The following GDPD4 variants were observed in gnomAD, a reference collection of about 807,000 sequenced individuals.
GDPD4 encodes glycerophosphodiester phosphodiesterase domain containing 4, also known as glycerophosphodiester phosphodiesterase 6.
A neutral mutation model predicts 67.8 loss-of-function variants in GDPD4; 60 were observed. The ratio of observed to expected loss-of-function variants is 0.88; its 90% confidence interval spans 0.72 to 1.10. The LOEUF (loss-of-function observed/expected upper bound fraction) is 1.10, where lower values mean the gene tolerates loss of function less well. Among genes scored for constraint, GDPD4 ranks in the 50% least tolerant of loss-of-function variants. The pLI is 0.00. For missense variants in GDPD4, 623 were observed against 613.9 expected (o/e 1.01, Z -0.16); for synonymous variants, 212 against 210.9 (o/e 1.00, Z -0.04).
rs57989259 is a variant in GDPD4 at position 77,235,009 on chromosome 11, G to GTTTTTTTTTTTTTTTTTTTTTTTTTTTT, written c.1242-1865_1242-1838dup. The stretch of plus-strand genomic sequence containing the variant: ...TCTCTCTGCAACCTTGTCAATATCT[G>GTTTTTTTTTTTTTTTTTTTTTTTTTTTT]TTTTTTTTTTTTTTTTTTTTTTTTT... On this transcript the variant is annotated intron_variant, in intron 13 of 16. Transcript: ENST00000315938. Among the ~76,000 whole-genome samples, 44 of 52,262 alleles carry GTTTTTTTTTTTTTTTTTTTTTTTTTTTT rather than the reference G, an allele frequency of 8.4e-4. 7 individuals carry two copies. Among genetic ancestry groups the GTTTTTTTTTTTTTTTTTTTTTTTTTTTT allele is most frequent in the South Asian group, 1.3e-3 (1 of 762 alleles). 34.3% of individuals were successfully genotyped at this position (52,262 alleles called of 152,430 possible).
At chr11:77,296,809 T>C (rs1222057668) in intron 1 of GDPD4, among the ~76,000 whole-genome samples, 2 of 150,638 alleles carry the variant, frequency 1.3e-5, no homozygotes, top group East Asian at 2.0e-4. Flanking sequence ...CCTGTAGTCC[T>C]AGCACTTTGG....
Position 77,270,149 on chromosome 11 carries a change from C to T in GDPD4, c.401-189G>A, listed in dbSNP as rs111707431. Among the ~76,000 whole-genome samples the T allele has an allele frequency of 3.5e-3, 536 of 152,290 alleles. 1 individual carries two copies. Among genetic ancestry groups the T allele is most frequent in the African/African-American group, 0.012 (499 of 41,562 alleles). The stretch of plus-strand genomic sequence containing the variant: ...CAGGTCAGAAAGCAAATACCTCTTA[C>T]TTAAAAAGGAGGAAAAAGGAGACCC... On this transcript the variant is annotated intron_variant, in intron 7 of 16. Coordinates refer to ENST00000315938, the MANE Select transcript of GDPD4 (RefSeq NM_182833.3).
intron 11 of GDPD4, among the ~76,000 whole-genome samples, chr11:77,248,784 C>T (rs1360437495): frequency 6.6e-6 from 1 of 151,400 alleles, no homozygotes; most frequent in Non-Finnish European, 1.5e-5. Context: ...TACAATGGCA[C>T]AGTCTCAGCT....
intron 11 of GDPD4, among the ~76,000 whole-genome samples, chr11:77,252,049 T>A (rs1413742727): frequency 1.2e-5 from 1 of 81,306 alleles, no homozygotes; most frequent in Non-Finnish European, 2.7e-5. Context: ...TTTTTTTGTT[T>A]GTTTGTTTTT....
chr11:77,271,075 G>T, intron 7 of GDPD4, 55 bp downstream of exon 7: 2 of 1,229,694 alleles, frequency 1.6e-6, no homozygotes, highest in Middle Eastern at 3.8e-4. Context: ...AGTGGAGTAT[G>T]CAAGCTAAAG....
rs1364498554 is a variant in GDPD4 at position 77,216,867 on chromosome 11, C to T, written c.*410G>A. On this transcript the variant is annotated 3_prime_UTR_variant, in exon 17 of 17. Transcript: ENST00000315938. ...GAAACACAGAAGGCTATGTCAGATG[C>T]AATGGAATATATTGTGACATAGGAT... The T allele has an allele frequency of 7.6e-6, 5 of 657,412 alleles. No individual in the cohort carries two copies. The highest frequency in any genetic ancestry group is 5.4e-5 in the East Asian group (2 of 36,866). 40.7% of individuals were successfully genotyped at this position (657,412 alleles called of 1,614,324 possible).
Position 77,300,942 on chromosome 11 carries a change from A to T in GDPD4, c.-254+663T>A, listed in dbSNP as rs539749836. Among the ~76,000 whole-genome samples the T allele has an allele frequency of 3.3e-5, 5 of 152,306 alleles. No homozygotes were observed. In the South Asian group the frequency reaches 1.0e-3, roughly 32 times the overall value. Reference sequence around the variant, plus strand: ...TCCAAGGGCAGACGTTATGAACAAAAAGCTCTATGGGAGGATGGTAAGCTG... The same window carrying T: ...TCCAAGGGCAGACGTTATGAACAAATAGCTCTATGGGAGGATGGTAAGCTG... On this transcript the variant is annotated intron_variant, in intron 1 of 16. Coordinates refer to ENST00000315938, the MANE Select transcript of GDPD4 (RefSeq NM_182833.3).
chr11:77,246,793 A>G (rs1355100178), intron 11 of GDPD4, among the ~76,000 whole-genome samples: 3 of 152,230 alleles, frequency 2.0e-5, no homozygotes, highest in African/African-American at 7.2e-5. Context: ...GAACTGTCAT[A>G]CATTCTTTGA....
At chr11:77,228,060 C>A in intron 15 of GDPD4, 144 bp from the exon 16 acceptor site, 1 of 713,508 alleles carries the variant, frequency 1.4e-6, no homozygotes, top group South Asian at 1.6e-5. Flanking sequence ...TCCCAAATGT[C>A]ATTTTCTTCT....
At chr11:77,251,894 T>C (rs951554369) in intron 11 of GDPD4, among the ~76,000 whole-genome samples, 1 of 152,064 alleles carries the variant, frequency 6.6e-6, no homozygotes. Context: ...TCATTCTCAT[T>C]TCTTTTTTTC....
intron 5 of GDPD4, among the ~76,000 whole-genome samples, chr11:77,274,872 G>A (rs1959381998): frequency 1.3e-5 from 2 of 152,152 alleles, no homozygotes; most frequent in South Asian, 4.1e-4. Context: ...TAGAGTGATA[G>A]TTACCAAGGG....
Position 77,229,156 on chromosome 11 carries a change from A to T in GDPD4, c.1466T>A (p.Phe489Tyr). Reference sequence around the variant, plus strand: ...AAATTATATATATACTTACCAGTGAAAACAAAATATGGCAACAATAAAAAG... The same window carrying T: ...AAATTATATATATACTTACCAGTGATAACAAAATATGGCAACAATAAAAAG... ...SVLFIVAIFC[F>Y]HWRRETEKEK... The change falls in exon 15 of 17, where the codon TTT (phenylalanine) becomes TAT (tyrosine). Residue 489 changes from phenylalanine (F) to tyrosine (Y), a missense_variant. Coordinates refer to ENST00000315938, the MANE Select transcript of GDPD4 (RefSeq NM_182833.3). 6.4e-7 allele frequency: 1 copy of T among 1,569,534 alleles called. No homozygotes were observed.
intron 1 of GDPD4, among the ~76,000 whole-genome samples, chr11:77,295,273 C>A (rs1361726696): frequency 6.6e-5 from 10 of 150,858 alleles, no homozygotes; most frequent in Non-Finnish European, 8.8e-5. Context: ...CAGGCATGAG[C>A]CACCACACCC....
At chr11:77,276,245 G>A in intron 4 of GDPD4, 25 bp from the exon 5 acceptor site, 2 of 1,602,946 alleles carry the variant, frequency 1.2e-6, no homozygotes, top group East Asian at 2.2e-5. Context: ...AAGAAAAAGA[G>A]AGTTATTTTG....
chr11:77,226,038 T>C (rs1958329662), intron 16 of GDPD4, among the ~76,000 whole-genome samples: 2 of 152,200 alleles, frequency 1.3e-5, no homozygotes, highest in Admixed American at 1.3e-4. Flanking sequence ...TAAGAGCTCT[T>C]AAAAACAGAA....
At chr11:77,249,506 C>A (rs1158342657) in intron 11 of GDPD4, among the ~76,000 whole-genome samples, 1 of 152,082 alleles carries the variant, frequency 6.6e-6, no homozygotes, top group Non-Finnish European at 1.5e-5. Flanking sequence ...AAAAGTTGAA[C>A]AGAATGAAAA....
chr11:77,229,541 G>T lies in GDPD4; in HGVS notation c.1390-309C>A, dbSNP rs138726588. Among the ~76,000 whole-genome samples, 8 of 152,292 alleles carry T rather than the reference G, an allele frequency of 5.3e-5. No individual in the cohort carries two copies. The East Asian group carries it at 1.3e-3, about 26-fold the overall frequency. ...GAAGTCACACAACAAGTCTATTCTG[G>T]ACCCAAGACCACAGTCCAGGTTCTT... On this transcript the variant is annotated intron_variant, in intron 14 of 16. Coordinates refer to ENST00000315938, the MANE Select transcript of GDPD4 (RefSeq NM_182833.3).
chr11:77,270,000 G>T lies in GDPD4; in HGVS notation c.401-40C>A, dbSNP rs773327263. ...GTGAAAAAGAAAAGAGTTCATTATT[G>T]TCCCCTTTAAGCCCTTGCCCCAGAA... On this transcript the variant is annotated intron_variant, in intron 7 of 16. Coordinates refer to ENST00000315938, the MANE Select transcript of GDPD4 (RefSeq NM_182833.3). 12 of 1,056,340 alleles carry T rather than the reference G, an allele frequency of 1.1e-5. No homozygotes were observed. The East Asian group carries it at 1.9e-4, about 17-fold the overall frequency. The allele number at this position is 1,056,340 out of a possible 1,614,324, so 65.4% of individuals were successfully genotyped here. A position where few individuals can be genotyped will look rare whatever the true frequency, so the allele number is the denominator to read the frequency against.
chr11:77,227,879 A>T lies in GDPD4; in HGVS notation c.1510T>A (p.Ser504Thr). The T allele has an allele frequency of 6.2e-7, 1 of 1,613,476 alleles. No individual in the cohort carries two copies. The highest frequency in any genetic ancestry group is 8.5e-7 in the Non-Finnish European group (1 of 1,179,466). ...CTGACTTTACCTGTGCGAGTGCTGG[A>T]GGTTTCAAACAATTTTTCTTTTTCA... is the stretch of plus-strand genomic sequence containing the variant. ...ETEKEKLFETSSTRTDTQSGS... is the reference protein window; with the variant it reads ...ETEKEKLFETTSTRTDTQSGS... The change falls in exon 16 of 17, where the codon TCC (serine) becomes ACC (threonine). Residue 504 changes from serine to threonine, a missense_variant. Coordinates refer to ENST00000315938, the MANE Select transcript of GDPD4 (RefSeq NM_182833.3).
Sources: allele counts gnomAD v4.1 joint callset (sites outside exome capture counted in the v4.1 genomes callset), GRCh38; gene constraint gnomAD v4.1.1; transcripts MANE v1.5; gene names NCBI Gene and HGNC (gene_info 2026-07-23, HGNC 2026-07-21).